The following TBCD variants were observed in gnomAD, a reference collection of about 807,000 sequenced individuals.
TBCD encodes the protein tubulin-specific chaperone D.
In TBCD, 105 loss-of-function variants were observed where a neutral mutation model predicts 169.3. The ratio of observed to expected loss-of-function variants is 0.62; its 90% CI spans 0.53 to 0.73. The LOEUF is 0.73. Ranked by LOEUF, TBCD falls within the 30% of genes least tolerant of loss-of-function variation. The pLI is 0.00. For missense variants in TBCD, 1,444 were observed against 1,600.1 expected (o/e 0.90, Z 1.66); for synonymous variants, 700 against 643.9 (o/e 1.09, Z -1.32).
At position 82,944,222 on chromosome 17, in the gene TBCD, C is replaced by G. The variant is rs909475958; in HGVS notation, c.*1759C>G. 2.0e-5 allele frequency: 3 copies of G among 152,160 alleles called. No individual in the cohort carries two copies. The highest frequency in any genetic ancestry group is 7.2e-5 in the African/African-American group (3 of 41,460). 9.4% of individuals were successfully genotyped at this position (152,160 alleles called of 1,614,324 possible). ...AAGCAGTTCTTCTTTTAATGTCGGT[C>G]TAACTTAGCAACCCGAGGAAAGTGG... On this transcript the variant is annotated 3_prime_UTR_variant, in exon 39 of 39. Transcript: ENST00000355528.
At chr17:82,887,131 CTGTGTGTGTGTGTG>C (rs771003321) in intron 15 of TBCD, among the ~76,000 whole-genome samples, 4 of 123,364 alleles carry the variant, frequency 3.2e-5, no homozygotes, top group African/African-American at 6.7e-5. Flanking sequence ...TACCTGTACT[CTGTGTGTGTGTGTG>C]TGTGTGTGTG....
At chr17:82,758,419 A>ATAAATAAATAAAT (rs1467354633) in intron 2 of TBCD, among the ~76,000 whole-genome samples, 4 of 135,558 alleles carry the variant, frequency 3.0e-5, no homozygotes, top group South Asian at 2.3e-4. Context: ...AAATAAATAA[A>ATAAATAAATAAAT]TTTTTTTTTT....
chr17:82,852,544 C>T (rs971441579), intron 13 of TBCD, among the ~76,000 whole-genome samples: 16 of 152,166 alleles, frequency 1.1e-4, no homozygotes, highest in African/African-American at 3.4e-4. Context: ...GCTCGCCGTT[C>T]GGTCTGTGTC....
chr17:82,932,994 C>CA (rs2062330556), intron 34 of TBCD: 1 of 498,232 alleles, frequency 2.0e-6, no homozygotes, highest in Non-Finnish European at 3.6e-6. Flanking sequence ...CCCTGCTGTG[C>CA]ACTCTCCCCC....
intron 23 of TBCD, 105 bp downstream of exon 23, chr17:82,911,894 A>G: frequency 8.2e-7 from 1 of 1,214,514 alleles, no homozygotes; most frequent in Non-Finnish European, 1.2e-6. Flanking sequence ...CCCAGGGTGA[A>G]GGGCTGGGTG....
chr17:82,882,653 C>G (rs1385725405), intron 14 of TBCD, among the ~76,000 whole-genome samples: 1 of 152,162 alleles, frequency 6.6e-6, no homozygotes, highest in Non-Finnish European at 1.5e-5. Context: ...GTGCGAGATG[C>G]AGGAAAACAG....
intron 13 of TBCD, among the ~76,000 whole-genome samples, chr17:82,855,993 C>CCCTT (rs373747821): frequency 3.0e-5 from 2 of 66,270 alleles, no homozygotes; most frequent in African/African-American, 1.4e-4. Flanking sequence ...TCCCCCCCCA[C>CCCTT]TTTTTTTTTT....
At chr17:82,801,251 G>A (rs656969) in intron 9 of TBCD, among the ~76,000 whole-genome samples, 2,265 of 152,322 alleles carry the variant, frequency 0.015, 48 homozygotes, top group African/African-American at 0.052. Flanking sequence ...GGCTGGTGCT[G>A]TGGCTTTTGT....
Position 82,867,088 on chromosome 17 carries a change from A to G in TBCD, c.1319-3136A>G, listed in dbSNP as rs375263143. On this transcript the variant is annotated intron_variant, in intron 13 of 38. Coordinates refer to ENST00000355528, the MANE Select transcript of TBCD (RefSeq NM_005993.5). ...ATGGTGCTAAAGAGAACCATCTTAC[A>G]CGGACTTGGGGACAGAAACCTGGGC... Among the ~76,000 whole-genome samples, 29 of 152,238 alleles carry G rather than the reference A, an allele frequency of 1.9e-4. No homozygotes were observed. The East Asian group carries it at 3.3e-3, about 17-fold the overall frequency.
At chr17:82,763,920 T>C (rs1425067274) in intron 2 of TBCD, 45 bp from the exon 3 acceptor site, 2 of 1,549,222 alleles carry the variant, frequency 1.3e-6, no homozygotes. Context: ...CAATGTCATG[T>C]TGATGTTCAC....
At chr17:82,938,201 G>A in intron 36 of TBCD, 65 bp downstream of exon 36, 1 of 1,504,766 alleles carries the variant, frequency 6.6e-7, no homozygotes, top group East Asian at 2.4e-5. Flanking sequence ...TGACAAGAAG[G>A]CCTTCGCTGG....
At chr17:82,935,117 T>C (rs1232066241) in intron 34 of TBCD, among the ~76,000 whole-genome samples, 1 of 152,186 alleles carries the variant, frequency 6.6e-6, no homozygotes, top group Non-Finnish European at 1.5e-5. Context: ...CCTCCTGCCA[T>C]GTCCTGCTAT....
Position 82,944,226 on chromosome 17 carries a change from C to T in TBCD, c.*1763C>T, listed in dbSNP as rs942154756. 6.6e-6 allele frequency: 1 copy of T among 152,058 alleles called. No individual in the cohort carries two copies. Among genetic ancestry groups the T allele is most frequent in the African/African-American group, 2.4e-5 (1 of 41,432 alleles). The allele number at this position is 152,058 out of a possible 1,614,324, so 9.4% of individuals were successfully genotyped here. On this transcript the variant is annotated 3_prime_UTR_variant, in exon 39 of 39. Coordinates refer to ENST00000355528, the MANE Select transcript of TBCD (RefSeq NM_005993.5). ...AGTTCTTCTTTTAATGTCGGTCTAA[C>T]TTAGCAACCCGAGGAAAGTGGATCA...
intron 13 of TBCD, chr17:82,865,625 A>C (rs2063674574): frequency 1.7e-5 from 14 of 806,246 alleles, no homozygotes; most frequent in Non-Finnish European, 2.1e-5. Context: ...TGCACCAGCT[A>C]CATCTGCAGA....
Position 82,831,855 on chromosome 17 carries a change from G to A in TBCD, c.1318+16921G>A. 6.2e-7 allele frequency: 1 copy of A among 1,614,228 alleles called. No individual in the cohort carries two copies. The highest frequency in any genetic ancestry group is 8.5e-7 in the Non-Finnish European group (1 of 1,180,036). On this transcript the variant is annotated intron_variant, in intron 13 of 38. Coordinates refer to ENST00000355528, the MANE Select transcript of TBCD (RefSeq NM_005993.5). This position sits in a 1 kb window ranked among gnomAD's most constrained non-coding sequence, Gnocchi z 4.6. ...CTTTCCAGGGGTAGCCAGGAGTGTGGAAGGCCGACTTGGTGTGGAAAGACA... is the reference window on the plus strand; with the variant it reads ...CTTTCCAGGGGTAGCCAGGAGTGTGAAAGGCCGACTTGGTGTGGAAAGACA...
intron 9 of TBCD, among the ~76,000 whole-genome samples, chr17:82,804,967 CTGTT>C (rs1175745016): frequency 1.3e-5 from 2 of 152,214 alleles, no homozygotes; most frequent in African/African-American, 4.8e-5. Context: ...AAAGCCTAAG[CTGTT>C]TGTCCTCTGG....
rs2059291233 is a variant in TBCD at position 82,893,554 on chromosome 17, T to C, written c.1571T>C (p.Phe524Ser). 6.2e-7 allele frequency: 1 copy of C among 1,608,104 alleles called. No homozygotes were observed. The highest frequency in any genetic ancestry group is 8.5e-7 in the Non-Finnish European group (1 of 1,177,680). The part of the protein sequence containing the change: ...FQENVGRQGT[F>S]PHGIDILTTA... ...TTTCCACTTTCTTATTAGGGCACTT[T>C]CCCTCATGGTATTGATATTTTGACC... is the stretch of plus-strand genomic sequence containing the variant. The change falls in exon 17 of 39, where the codon TTC becomes TCC. Residue 524 changes from phenylalanine (F) to serine (S), a missense_variant. Coordinates refer to ENST00000355528, the MANE Select transcript of TBCD (RefSeq NM_005993.5).
chr17:82,887,168 T>TGTGTGTGTGTGCGCGCGC, intron 15 of TBCD, among the ~76,000 whole-genome samples: 321 of 126,156 alleles, frequency 2.5e-3, no homozygotes, highest in Middle Eastern at 8.0e-3. Flanking sequence ...TGTGTGTGTG[T>TGTGTGTGTGTGCGCGCGC]GCGCGCGCGC....
At position 82,864,013 on chromosome 17, in the gene TBCD, T is replaced by C. The variant is rs2056981434; in HGVS notation, c.1319-6211T>C. On this transcript the variant is annotated intron_variant, in intron 13 of 38. Transcript: ENST00000355528. This position sits in a 1 kb window ranked among gnomAD's most constrained non-coding sequence, Gnocchi z 6.3. Reference sequence around the variant, plus strand: ...GGACTAAATGCAAAATCATCTTCACTGGGTGCAGCATTTACAGTTTTGGTG... The same window carrying C: ...GGACTAAATGCAAAATCATCTTCACCGGGTGCAGCATTTACAGTTTTGGTG... 6.6e-6 allele frequency among the ~76,000 whole-genome samples: 1 copy of C among 152,220 alleles called. No individual in the cohort carries two copies. Among genetic ancestry groups the C allele is most frequent in the Non-Finnish European group, 1.5e-5 (1 of 68,040 alleles).
Sources: allele counts gnomAD v4.1 joint callset (sites outside exome capture counted in the v4.1 genomes callset), GRCh38; gene constraint gnomAD v4.1.1; non-coding constraint Gnocchi (gnomAD v3.1); transcripts MANE v1.5; gene names NCBI Gene and HGNC (gene_info 2026-07-23, HGNC 2026-07-21).